KMT5B: variants seen among roughly 807,000 people sequenced by gnomAD.
KMT5B encodes histone-lysine N-methyltransferase KMT5B.
KMT5B carries 10 observed loss-of-function variants against 83.2 expected under a neutral mutation model. That is an observed-to-expected ratio of 0.12 (90% CI 0.07 to 0.20). The LOEUF is 0.20. KMT5B is among the 10% of genes least tolerant of loss of function. The pLI, the probability that KMT5B is intolerant of heterozygous loss-of-function variation, is 1.00. For synonymous variants in KMT5B, 349 were observed against 388.8 expected (o/e 0.90, Z 1.20); for missense variants, 753 against 1,067.2 (o/e 0.71, Z 4.10).
chr11:68,168,516 A>T (rs937556257), intron 9 of KMT5B, among the ~76,000 whole-genome samples: 1 of 151,994 alleles, frequency 6.6e-6, no homozygotes, highest in African/African-American at 2.4e-5. Context: ...TTGTATTTTT[A>T]GTAGAGACGG....
chr11:68,187,295 GTCT>G lies in KMT5B; in HGVS notation c.161-1370_161-1368del, dbSNP rs551297563. Among the ~76,000 whole-genome samples, 66 of 152,320 alleles carry G rather than the reference GTCT, an allele frequency of 4.3e-4. No individual in the cohort carries two copies. In the South Asian group the frequency reaches 0.012, roughly 28 times the overall value. ...TTACAGGCGTGAGCCACCACGCCCA[GTCT>G]TCTTTTTTTCACGCAGGCATTTACA... On this transcript the variant is annotated intron_variant, in intron 2 of 10. Transcript: ENST00000304363.
intron 4 of KMT5B, chr11:68,179,455 C>A (rs779040326): frequency 1.5e-6 from 2 of 1,303,522 alleles, no homozygotes; most frequent in South Asian, 2.5e-5. Flanking sequence ...CATATGAATT[C>A]ACACTCCCAC....
intron 1 of KMT5B, among the ~76,000 whole-genome samples, chr11:68,199,582 C>T (rs1226587368): frequency 6.6e-6 from 1 of 152,154 alleles, no homozygotes; most frequent in East Asian, 1.9e-4. Context: ...AGAGGGAAAG[C>T]AGAGGAGTGA....
intron 9 of KMT5B, among the ~76,000 whole-genome samples, chr11:68,170,532 C>G (rs1472656756): frequency 6.6e-6 from 1 of 152,134 alleles, no homozygotes; most frequent in East Asian, 1.9e-4. Flanking sequence ...TGTAAAGACT[C>G]CAGGACTCTT....
chr11:68,182,264 G>A (rs1857008442), intron 3 of KMT5B, among the ~76,000 whole-genome samples: 1 of 152,202 alleles, frequency 6.6e-6, no homozygotes, highest in East Asian at 1.9e-4. Context: ...ACGTCACAAT[G>A]AAACTGAGAG....
intron 4 of KMT5B, among the ~76,000 whole-genome samples, chr11:68,177,188 T>C (rs1004506555): frequency 6.6e-6 from 1 of 152,202 alleles, no homozygotes; most frequent in Non-Finnish European, 1.5e-5. Flanking sequence ...AAAAGACATA[T>C]ATATGCATCA....
At chr11:68,180,248 A>C in intron 3 of KMT5B, 48 bp from the exon 4 acceptor site, 1 of 1,530,668 alleles carries the variant, frequency 6.5e-7, no homozygotes, top group South Asian at 1.2e-5. Flanking sequence ...CTATTTGTAT[A>C]ATCTGTACTT....
intron 2 of KMT5B, among the ~76,000 whole-genome samples, chr11:68,188,374 AT>A (rs1344929666): frequency 7.8e-6 from 1 of 128,800 alleles, no homozygotes; most frequent in South Asian, 2.4e-4. Flanking sequence ...CAAGAGTCTC[AT>A]TTTTTTTTGC....
At chr11:68,213,380 C>CCGG (rs1459073491), upstream of KMT5B, 2 of 146,782 alleles carry the variant, frequency 1.4e-5, no homozygotes, top group Admixed American at 6.8e-5. Flanking sequence ...CCGCCCCCAA[C>CCGG]CGGCCGCCGC....
At chr11:68,190,616 T>C (rs1857929655) in intron 1 of KMT5B, among the ~76,000 whole-genome samples, 1 of 152,218 alleles carries the variant, frequency 6.6e-6, no homozygotes, top group Non-Finnish European at 1.5e-5. Flanking sequence ...CTAATGTTTG[T>C]GACCTGTGTC....
At chr11:68,177,546 T>C (rs573537800) in intron 4 of KMT5B, among the ~76,000 whole-genome samples, 2 of 152,284 alleles carry the variant, frequency 1.3e-5, no homozygotes, top group Admixed American at 6.5e-5. Context: ...TATTAATGCA[T>C]ACTGATACTA....
chr11:68,181,177 T>A (rs1039012987), intron 3 of KMT5B, among the ~76,000 whole-genome samples: 1 of 151,868 alleles, frequency 6.6e-6, no homozygotes, highest in Non-Finnish European at 1.5e-5. Flanking sequence ...CAGGTTCAAG[T>A]TATTCGCCTG....
chr11:68,178,301 C>CTAAAAA (rs1416171517), intron 4 of KMT5B, among the ~76,000 whole-genome samples: 1 of 152,172 alleles, frequency 6.6e-6, no homozygotes, highest in Non-Finnish European at 1.5e-5. Context: ...TCATTCCTAT[C>CTAAAAA]TAAAAATGCC....
chr11:68,186,553 T>G (rs1280144423), intron 2 of KMT5B, among the ~76,000 whole-genome samples: 7 of 152,172 alleles, frequency 4.6e-5, no homozygotes, highest in Non-Finnish European at 1.0e-4. Context: ...GACCTCTGTT[T>G]GAAGCAATTA....
chr11:68,191,238 C>G (rs1033305855), intron 1 of KMT5B, among the ~76,000 whole-genome samples: 1 of 149,756 alleles, frequency 6.7e-6, no homozygotes, highest in Non-Finnish European at 1.5e-5. Context: ...GTTGCCCAGA[C>G]TGGTCTCAAA....
rs762109624 is a variant in KMT5B at position 68,158,204 on chromosome 11, C to T, written c.2142G>A (p.Gly714=). The change falls in exon 11 of 11, where the codon GGG becomes GGA. Residue 714 remains glycine (G), a synonymous_variant. Transcript: ENST00000304363. The stretch of plus-strand genomic sequence containing the variant: ...GCCTACGAAGAGTCAATTTGGGAAT[C>T]CCAGAGTTATTTTCTAGGATTAACT... ...DAQLILENNS[G]IPKLTLRRRH... is the part of the protein sequence containing the mutation. The T allele has an allele frequency of 4.3e-6, 7 of 1,613,996 alleles. No homozygotes were observed. The highest frequency in any genetic ancestry group is 5.9e-6 in the Non-Finnish European group (7 of 1,180,042).
chr11:68,175,355 A>G (rs760345104), intron 4 of KMT5B, among the ~76,000 whole-genome samples, 172 bp from the exon 5 acceptor site: 2 of 152,246 alleles, frequency 1.3e-5, no homozygotes, highest in Non-Finnish European at 2.9e-5. Flanking sequence ...CTATTCAAGT[A>G]ATACTGATCA....
In KMT5B at chr11:68,208,446, C is replaced by CT. The variant is rs556145552; in HGVS notation, c.-77+4691dup. 2.8e-3 allele frequency among the ~76,000 whole-genome samples: 426 copies of CT among 150,950 alleles called. 2 individuals are homozygous for CT. The highest frequency in any genetic ancestry group is 5.2e-3 in the Non-Finnish European group (350 of 67,632). ...CCAGCCTGGGCAACAGAGTGAGACT[C>CT]TGTCTCCAAACAAACAAACAAAAAA... On this transcript the variant is annotated intron_variant, in intron 1 of 10. Transcript: ENST00000304363.
intron 9 of KMT5B, among the ~76,000 whole-genome samples, chr11:68,168,508 G>C (rs1855535040): frequency 6.6e-6 from 1 of 151,964 alleles, no homozygotes; most frequent in South Asian, 2.1e-4. Flanking sequence ...GCTAATTTTT[G>C]TATTTTTAGT....
Sources: allele counts gnomAD v4.1 joint callset (sites outside exome capture counted in the v4.1 genomes callset), GRCh38; gene constraint gnomAD v4.1.1; transcripts MANE v1.5; gene names NCBI Gene and HGNC (gene_info 2026-07-23, HGNC 2026-07-21).